HEPHL1: variants seen among roughly 807,000 people sequenced by gnomAD.
HEPHL1 encodes the protein hephaestin like 1.
HEPHL1 carries 123 observed loss-of-function variants against 122.0 expected under a neutral mutation model. The observed-to-expected ratio is 1.01, with a 90% CI of 0.87 to 1.17. The LOEUF is 1.17. HEPHL1 is among the 50% of genes most tolerant of loss of function. The pLI is 0.00. For missense variants in HEPHL1, 1,452 were observed against 1,430.5 expected (o/e 1.01, Z -0.24); for synonymous variants, 527 against 508.9 (o/e 1.04, Z -0.48).
chr11:94,077,269 T>C (rs1415071771), intron 9 of HEPHL1, among the ~76,000 whole-genome samples: 3 of 152,198 alleles, frequency 2.0e-5, no homozygotes, highest in South Asian at 4.1e-4. Flanking sequence ...GTCTCATTGA[T>C]GTTCTTTATA....
intron 1 of HEPHL1, among the ~76,000 whole-genome samples, chr11:94,024,484 A>G (rs1945607293): frequency 6.6e-6 from 1 of 152,212 alleles, no homozygotes; most frequent in African/African-American, 2.4e-5. Flanking sequence ...ATGATTTGCA[A>G]ATGTTCAGTC....
At chr11:94,076,496 G>T (rs911320039) in intron 9 of HEPHL1, among the ~76,000 whole-genome samples, 14 of 151,974 alleles carry the variant, frequency 9.2e-5, no homozygotes, top group African/African-American at 1.9e-4. Flanking sequence ...TTTTGCCCCC[G>T]CTGTGTCCGT....
Position 94,042,571 on chromosome 11 carries a change from T to C in HEPHL1, c.171-3102T>C, listed in dbSNP as rs1334524928. Among the ~76,000 whole-genome samples, 550 of 151,342 alleles carry C rather than the reference T, an allele frequency of 3.6e-3. 7 individuals carry two copies. The highest frequency in any genetic ancestry group is 0.013 in the African/African-American group (525 of 41,066). ...TACAAAATGATGAGTTCATGTCCTT[T>C]GTAGGGACATGGATGAAATTGGAAA... On this transcript the variant is annotated intron_variant, in intron 1 of 19. Coordinates refer to ENST00000315765, the MANE Select transcript of HEPHL1 (RefSeq NM_001098672.2).
chr11:94,054,495 A>G (rs1945918904), intron 2 of HEPHL1, among the ~76,000 whole-genome samples: 1 of 152,248 alleles, frequency 6.6e-6, no homozygotes, highest in Non-Finnish European at 1.5e-5. Flanking sequence ...AAAGAGAATC[A>G]GCCTTATAGT....
intron 2 of HEPHL1, among the ~76,000 whole-genome samples, chr11:94,061,764 T>C (rs1376167799): frequency 6.6e-6 from 1 of 152,158 alleles, no homozygotes; most frequent in African/African-American, 2.4e-5. Flanking sequence ...AAAGAATGTT[T>C]TTGCATCTTT....
At chr11:94,060,889 G>C (rs1423546176) in intron 2 of HEPHL1, among the ~76,000 whole-genome samples, 1 of 152,158 alleles carries the variant, frequency 6.6e-6, no homozygotes, top group African/African-American at 2.4e-5. Context: ...TTGGAAAATG[G>C]ATTAGAAAGG....
chr11:94,022,525 G>A (rs1945590884), intron 1 of HEPHL1, among the ~76,000 whole-genome samples: 1 of 152,218 alleles, frequency 6.6e-6, no homozygotes. Flanking sequence ...TTTGAGGAAA[G>A]ACCAAAGATC....
Position 94,082,537 on chromosome 11 carries a change from TAAAG to T in HEPHL1, c.1838_1841del (p.Lys613SerfsTer3), listed in dbSNP as rs1946180217. The stretch of plus-strand genomic sequence containing the variant: ...ATCCCTTCAGCATTGACAAAGAAGA[TAAAG>T]AGTTTGTGAAATCCAACCGAATGCA... On this transcript the variant is annotated frameshift_variant, in exon 10 of 20. Coordinates refer to ENST00000315765, the MANE Select transcript of HEPHL1 (RefSeq NM_001098672.2). LOFTEE classifies it high-confidence loss of function. The T allele has an allele frequency of 6.2e-7, 1 of 1,612,188 alleles. No individual in the cohort carries two copies. Among genetic ancestry groups the T allele is most frequent in the Admixed American group, 1.7e-5 (1 of 59,684 alleles).
chr11:94,060,486 A>T (rs1945978852), intron 2 of HEPHL1, among the ~76,000 whole-genome samples: 1 of 152,172 alleles, frequency 6.6e-6, no homozygotes, highest in African/African-American at 2.4e-5. Flanking sequence ...TAGATATCAT[A>T]TCCTACAAGT....
chr11:94,064,474 A>G lies in HEPHL1; in HGVS notation c.772A>G (p.Lys258Glu). The change falls in exon 4 of 20, where the codon AAA becomes GAA. Residue 258 changes from lysine (K) to glutamate (E), a missense_variant. Coordinates refer to ENST00000315765, the MANE Select transcript of HEPHL1 (RefSeq NM_001098672.2). Reference sequence around the variant, plus strand: ...CACCAACCCTGATTCAGTTGACAAGAAAGATGCTGTTTTCCAGAGGAGTAA... The same window carrying G: ...CACCAACCCTGATTCAGTTGACAAGGAAGATGCTGTTTTCCAGAGGAGTAA... ...FCTNPDSVDK[K>E]DAVFQRSNKM... The G allele has an allele frequency of 6.2e-7, 1 of 1,613,388 alleles. No homozygotes were observed. Among genetic ancestry groups the G allele is most frequent in the Admixed American group, 1.7e-5 (1 of 59,980 alleles).
At chr11:94,072,772 GTGAC>G (rs1259014468) in intron 6 of HEPHL1, among the ~76,000 whole-genome samples, 1 of 152,096 alleles carries the variant, frequency 6.6e-6, no homozygotes, top group African/African-American at 2.4e-5. Flanking sequence ...GAGTTTACTT[GTGAC>G]TGGTTCAGTG....
chr11:94,109,665 C>A (rs1946433692), intron 17 of HEPHL1, among the ~76,000 whole-genome samples: 1 of 152,150 alleles, frequency 6.6e-6, no homozygotes, highest in African/African-American at 2.4e-5. Flanking sequence ...AGTTTTTAAA[C>A]ACTTTTTCAT....
In HEPHL1 at chr11:94,111,879, C is replaced by T; in HGVS notation, c.3465C>T (p.Pro1155=). ...DYQQVQSCAL[P]TDAL ...AGCAAGTCCAGTCCTGTGCTCTCCCCACGGATGCTCTGTGAACCATCTGGT... is the reference window on the plus strand; with the variant it reads ...AGCAAGTCCAGTCCTGTGCTCTCCCTACGGATGCTCTGTGAACCATCTGGT... Residue 1155 remains proline (P), a synonymous_variant, in exon 20 of 20, where the codon CCC becomes CCT. Coordinates refer to ENST00000315765, the MANE Select transcript of HEPHL1 (RefSeq NM_001098672.2). 1 of 1,517,040 alleles carries T rather than the reference C, an allele frequency of 6.6e-7. No individual in the cohort carries two copies. Among genetic ancestry groups the T allele is most frequent in the South Asian group, 1.3e-5 (1 of 74,572 alleles). 94.0% of individuals were successfully genotyped at this position (1,517,040 alleles called of 1,614,324 possible). A position where few individuals can be genotyped will look rare whatever the true frequency, so the allele number is the denominator to read the frequency against.
At chr11:94,060,587 G>A (rs946203385) in intron 2 of HEPHL1, among the ~76,000 whole-genome samples, 1 of 152,112 alleles carries the variant, frequency 6.6e-6, no homozygotes, top group Non-Finnish European at 1.5e-5. Flanking sequence ...AATTGCCCAA[G>A]CTGCATACCT....
intron 13 of HEPHL1, among the ~76,000 whole-genome samples, chr11:94,098,154 T>C (rs1160117687): frequency 6.6e-6 from 1 of 152,238 alleles, no homozygotes; most frequent in East Asian, 1.9e-4. Flanking sequence ...TGGCTGGTAC[T>C]GATTGTTCCT....
chr11:94,078,849 T>C (rs1425594826), intron 9 of HEPHL1, among the ~76,000 whole-genome samples: 1 of 152,068 alleles, frequency 6.6e-6, no homozygotes, highest in East Asian at 1.9e-4. Flanking sequence ...GTTAATCTCA[T>C]CCAAAAACAT....
chr11:94,051,618 T>C (rs979329397), intron 2 of HEPHL1, among the ~76,000 whole-genome samples: 2 of 152,142 alleles, frequency 1.3e-5, no homozygotes, highest in Admixed American at 6.5e-5. Flanking sequence ...TTGTTTCCTT[T>C]GCTGTGTAGA....
chr11:94,076,012 A>C (rs1325388124), intron 9 of HEPHL1, among the ~76,000 whole-genome samples: 2 of 152,192 alleles, frequency 1.3e-5, no homozygotes, highest in Non-Finnish European at 2.9e-5. Flanking sequence ...AGAGAAAAAC[A>C]GTCATTTAAG....
chr11:94,077,872 C>T (rs1439558218), intron 9 of HEPHL1, among the ~76,000 whole-genome samples: 1 of 152,198 alleles, frequency 6.6e-6, no homozygotes, highest in Non-Finnish European at 1.5e-5. Context: ...ATGTCATCCC[C>T]TGACCTTTGC....
Sources: allele counts gnomAD v4.1 joint callset (sites outside exome capture counted in the v4.1 genomes callset), GRCh38; gene constraint gnomAD v4.1.1; transcripts MANE v1.5; gene names NCBI Gene and HGNC (gene_info 2026-07-23, HGNC 2026-07-21).